The following WAC variants were observed in gnomAD, a reference collection of about 807,000 sequenced individuals.
The protein encoded by WAC is WW domain-containing adapter protein with coiled-coil.
In WAC, 11 loss-of-function variants were observed where a neutral mutation model predicts 79.6. That is an observed-to-expected ratio of 0.14 (90% CI 0.09 to 0.23). The LOEUF (loss-of-function observed/expected upper bound fraction) is 0.23, where lower values mean the gene tolerates loss of function less well. Among genes scored for constraint, WAC ranks in the 10% least tolerant of loss-of-function variants. WAC has a pLI of 1.00. For missense variants in WAC, 728 were observed against 773.5 expected, an observed-to-expected ratio of 0.94 and a Z score of 0.70; for synonymous variants, 304 against 276.9, an observed-to-expected ratio of 1.10 and a Z score of -0.97.
chr10:28,560,611 G>A (rs1172192024), intron 3 of WAC, among the ~76,000 whole-genome samples: 4 of 152,104 alleles, frequency 2.6e-5, no homozygotes, highest in Non-Finnish European at 5.9e-5. Context: ...GCATGTACAT[G>A]GAATTTAAAA....
chr10:28,618,190 C>T (rs1461931313), intron 13 of WAC: 1 of 156,406 alleles, frequency 6.4e-6, no homozygotes, highest in African/African-American at 2.4e-5. Flanking sequence ...TATCTGCTGT[C>T]TTAGTATTTT....
chr10:28,585,169 A>G (rs566993735), intron 4 of WAC, among the ~76,000 whole-genome samples: 1 of 152,324 alleles, frequency 6.6e-6, no homozygotes, highest in East Asian at 1.9e-4. Context: ...CAGGTAACAC[A>G]TACAGTAATC....
At chr10:28,553,857 T>A (rs1012771745) in intron 3 of WAC, among the ~76,000 whole-genome samples, 1 of 152,182 alleles carries the variant, frequency 6.6e-6, no homozygotes, top group African/African-American at 2.4e-5. Context: ...ATAGGTATCA[T>A]AAGTAATCTA....
At chr10:28,596,094 T>C (rs1247564498) in intron 7 of WAC, 53 bp downstream of exon 7, 1 of 1,521,738 alleles carries the variant, frequency 6.6e-7, no homozygotes, top group African/African-American at 1.4e-5. Flanking sequence ...CTAAGTTTCT[T>C]CTAAGTTTCT....
Position 28,535,703 on chromosome 10 carries a change from G to A in WAC, c.220G>A (p.Gly74Ser). The change falls in exon 3 of 14, where the codon GGT (glycine) becomes AGT (serine). Residue 74 changes from glycine to serine, a missense_variant. Coordinates refer to ENST00000354911, the MANE Select transcript of WAC (RefSeq NM_016628.5). ...TGAAAACAAATACAGTGACAGCACA[G>A]GTCACAGTAAGGCCAAAAATGTGCA... is the stretch of plus-strand genomic sequence containing the variant. ...SPENKYSDST[G>S]HSKAKNVHTH... is the part of the protein sequence containing the mutation. 2 of 1,614,054 alleles carry A rather than the reference G, an allele frequency of 1.2e-6. No individual in the cohort carries two copies. Among genetic ancestry groups the A allele is most frequent in the Non-Finnish European group, 1.7e-6 (2 of 1,180,000 alleles).
intron 3 of WAC, among the ~76,000 whole-genome samples, chr10:28,556,882 A>T (rs1838027591): frequency 6.6e-6 from 1 of 151,948 alleles, no homozygotes; most frequent in Admixed American, 6.6e-5. Context: ...GCATGGGTTT[A>T]TTTTTGGGTG....
At chr10:28,550,471 T>C (rs1293052183) in intron 3 of WAC, among the ~76,000 whole-genome samples, 1 of 152,116 alleles carries the variant, frequency 6.6e-6, no homozygotes, top group Non-Finnish European at 1.5e-5. Flanking sequence ...TTTGTAGAGA[T>C]TTGTAATTAT....
chr10:28,587,375 C>G (rs759116042), intron 4 of WAC, among the ~76,000 whole-genome samples: 5 of 152,254 alleles, frequency 3.3e-5, no homozygotes, highest in Non-Finnish European at 7.4e-5. Flanking sequence ...TGTTGAGCCT[C>G]TGGGTAAACT....
At chr10:28,573,127 TC>T (rs1839063855) in intron 3 of WAC, among the ~76,000 whole-genome samples, 1 of 151,696 alleles carries the variant, frequency 6.6e-6, no homozygotes, top group Non-Finnish European at 1.5e-5. Flanking sequence ...TATTTTTTTT[TC>T]TATTTTTAAG....
intron 3 of WAC, among the ~76,000 whole-genome samples, chr10:28,576,412 T>C (rs1205834237): frequency 6.6e-6 from 1 of 152,236 alleles, no homozygotes; most frequent in Non-Finnish European, 1.5e-5. Flanking sequence ...AGGAATCTAC[T>C]TAATGTCATT....
At chr10:28,585,204 G>A (rs1003848552) in intron 4 of WAC, among the ~76,000 whole-genome samples, 7 of 152,160 alleles carry the variant, frequency 4.6e-5, no homozygotes, top group Non-Finnish European at 5.9e-5. Context: ...TTGAACAACC[G>A]GATGAATTTG....
intron 3 of WAC, among the ~76,000 whole-genome samples, chr10:28,558,755 A>G (rs1051308286): frequency 2.6e-5 from 4 of 152,338 alleles, no homozygotes; most frequent in Middle Eastern, 3.4e-3. Context: ...AAGAAATTCA[A>G]GGAATCCAAA....
At position 28,614,676 on chromosome 10, in the gene WAC, A is replaced by G. The variant is rs79076092; in HGVS notation, c.1547A>G (p.Gln516Arg). 6.2e-7 allele frequency: 1 copy of G among 1,613,666 alleles called. No individual in the cohort carries two copies. Among genetic ancestry groups the G allele is most frequent in the Admixed American group, 1.7e-5 (1 of 60,010 alleles). Reference protein sequence around the residue: ...GHEPVSPRSLQRSSSQRSPSP... With the variant: ...GHEPVSPRSLRRSSSQRSPSP... ...GAACCTGTCTCTCCTCGAAGTCTTC[A>G]GCGCTCAAGGTAGGTTGATATTGTA... The change falls in exon 11 of 14, where the codon CAG becomes CGG. Residue 516 changes from glutamine (Q) to arginine (R), a missense_variant. This residue lies in a region of WAC where 648 missense variants were observed against 661.5 expected (regional missense o/e 0.98). Coordinates refer to ENST00000354911, the MANE Select transcript of WAC (RefSeq NM_016628.5).
At chr10:28,577,509 C>T (rs1025252466) in intron 3 of WAC, among the ~76,000 whole-genome samples, 1 of 152,086 alleles carries the variant, frequency 6.6e-6, no homozygotes, top group African/African-American at 2.4e-5. Flanking sequence ...TCAAGGCGAA[C>T]ATTTATCATG....
intron 3 of WAC, among the ~76,000 whole-genome samples, chr10:28,579,528 T>C (rs1013803022): frequency 6.6e-6 from 1 of 152,178 alleles, no homozygotes; most frequent in African/African-American, 2.4e-5. Flanking sequence ...TTCTGTATTA[T>C]AATAAAAGAA....
chr10:28,539,851 G>A (rs529026634), intron 3 of WAC, among the ~76,000 whole-genome samples: 8 of 152,136 alleles, frequency 5.3e-5, no homozygotes, highest in South Asian at 4.2e-4. Context: ...GAGTCACCGC[G>A]CCTGGCCCAT....
At chr10:28,599,849 G>A (rs910125869) in intron 7 of WAC, among the ~76,000 whole-genome samples, 32 of 151,940 alleles carry the variant, frequency 2.1e-4, no homozygotes, top group African/African-American at 7.7e-4. Flanking sequence ...TGTTTGTTAG[G>A]GTAACATTTG....
intron 6 of WAC, 40 bp from the exon 7 acceptor site, chr10:28,595,693 T>G: frequency 6.3e-7 from 1 of 1,581,770 alleles, no homozygotes; most frequent in Non-Finnish European, 8.6e-7. Flanking sequence ...TTCCCCCTTC[T>G]GTCATTCCAA....
At chr10:28,600,550 T>A (rs754085844) in intron 7 of WAC, among the ~76,000 whole-genome samples, 7 of 152,170 alleles carry the variant, frequency 4.6e-5, no homozygotes, top group Non-Finnish European at 8.8e-5. Flanking sequence ...AATAATCGAA[T>A]AACTTAGTGT....
Sources: gnomAD v4.1 joint callset for allele counts (sites outside exome capture counted in the v4.1 genomes callset) on GRCh38, gnomAD v4.1.1 for gene constraint, gnomAD v4.1.1 regional missense constraint, MANE v1.5 for transcripts, NCBI Gene and HGNC (gene_info 2026-07-23, HGNC 2026-07-21) for gene names.